EXD3: variants seen among roughly 807,000 people sequenced by gnomAD.
EXD3 encodes exonuclease mut-7 homolog.
In EXD3, 92 loss-of-function variants were observed where a neutral mutation model predicts 98.0. That is an observed-to-expected ratio of 0.94 (90% CI 0.79 to 1.12). The LOEUF is 1.12. EXD3 is among the 50% of genes most tolerant of loss of function. The pLI, the probability that EXD3 is intolerant of heterozygous loss-of-function variation, is 0.00. For missense variants in EXD3, 1,222 were observed against 1,191.6 expected (o/e 1.03, Z -0.38); for synonymous variants, 569 against 526.0 (o/e 1.08, Z -1.12).
intron 17 of EXD3, among the ~76,000 whole-genome samples, chr9:137,328,687 C>G (rs1324675066): frequency 5.9e-5 from 4 of 67,362 alleles, no homozygotes; most frequent in African/African-American, 7.3e-5. Context: ...CGGGGCTACA[C>G]GGGACTACAC....
rs756680735 is a variant in EXD3 at position 137,349,476 on chromosome 9, C to G, written c.1550G>C (p.Gly517Ala). 6.2e-7 allele frequency: 1 copy of G among 1,603,730 alleles called. No homozygotes were observed. Among genetic ancestry groups the G allele is most frequent in the East Asian group, 2.2e-5 (1 of 44,820 alleles). The part of the protein sequence containing the change: ...PAVDRARELR[G>A]LSLLVQQVLG... Reference sequence around the variant, plus strand: ...CACCTGCTGCACCAGGAGGCTCAGGCCCCTCAGCTCCCTGGCCCTGTCCAC... The same window carrying G: ...CACCTGCTGCACCAGGAGGCTCAGGGCCCTCAGCTCCCTGGCCCTGTCCAC... The change falls in exon 15 of 22, where the codon GGC becomes GCC. Residue 517 changes from glycine to alanine, a missense_variant. Coordinates refer to ENST00000340951, the MANE Select transcript of EXD3 (RefSeq NM_017820.5). The surrounding 1 kb of genome is among the most constrained non-coding windows in gnomAD (Gnocchi z 7.4).
At position 137,349,055 on chromosome 9, in the gene EXD3, A is replaced by C; in HGVS notation, c.1830+55T>G. 4 of 1,525,742 alleles carry C rather than the reference A, an allele frequency of 2.6e-6. No homozygotes were observed. The South Asian group carries it at 3.8e-5, about 14-fold the overall frequency. The allele number at this position is 1,525,742 out of a possible 1,614,324, so 94.5% of individuals were successfully genotyped here. A position where few individuals can be genotyped will look rare whatever the true frequency, so the allele number is the denominator to read the frequency against. ...CCATGCAGGTCCTTGGTTTATGGAC[A>C]GGGATCTCCTTCCCCAAGAATGCTG... On this transcript the variant is annotated intron_variant, in intron 16 of 21. Transcript: ENST00000340951. The surrounding 1 kb of genome is among the most constrained non-coding windows in gnomAD (Gnocchi z 7.4).
rs199656190 is a variant in EXD3, at chr9:137,352,050, C to A, written c.1173+16G>T. ...ATCCCACCACCGGGCGCTGCCCCAG[C>A]GGCCGAGGGAACCACCTGCAGGAGT... On this transcript the variant is annotated intron_variant, in intron 12 of 21. Transcript: ENST00000340951. 9 of 1,602,012 alleles carry A rather than the reference C, an allele frequency of 5.6e-6. No individual in the cohort carries two copies. The highest frequency in any genetic ancestry group is 7.7e-6 in the Non-Finnish European group (9 of 1,174,968).
intron 7 of EXD3, chr9:137,365,999 G>T (rs989320348): frequency 2.8e-5 from 16 of 578,820 alleles, no homozygotes; most frequent in Non-Finnish European, 4.9e-5. Flanking sequence ...CACACCTGCA[G>T]GCACACATGC....
chr9:137,395,943 GTTT>G lies in EXD3; in HGVS notation c.-47-542_-47-540del, dbSNP rs917595096. The stretch of plus-strand genomic sequence containing the variant: ...GGCAGACCTCAGTCTCCCTCAGAGT[GTTT>G]TTTTTTCTTTTCTTTCTTTCTTTCT... On this transcript the variant is annotated intron_variant, in intron 1 of 21. Coordinates refer to ENST00000340951, the MANE Select transcript of EXD3 (RefSeq NM_017820.5). The surrounding 1 kb of genome is among the most constrained non-coding windows in gnomAD (Gnocchi z 6.5). Among the ~76,000 whole-genome samples the G allele has an allele frequency of 2.7e-5, 4 of 149,316 alleles. No individual in the cohort carries two copies. The highest frequency in any genetic ancestry group is 4.5e-5 in the Non-Finnish European group (3 of 67,180).
At position 137,348,252 on chromosome 9, in the gene EXD3, C is replaced by T. The variant is rs1834039810; in HGVS notation, c.1831-14G>A. On this transcript the variant is annotated splice_polypyrimidine_tract_variant and intron_variant, in intron 16 of 21. Transcript: ENST00000340951. ...AGCCACAGGGACCTGCAGTGAGGCC[C>T]TGGTCAGCAGTCCCACGGTCACCCC... The T allele has an allele frequency of 1.9e-6, 3 of 1,608,504 alleles. No individual in the cohort carries two copies. The highest frequency in any genetic ancestry group is 1.7e-4 in the Middle Eastern group (1 of 5,914).
rs1035653054 is a variant in EXD3 at position 137,393,668 on chromosome 9, C to A, written c.55+1635G>T. On this transcript the variant is annotated intron_variant, in intron 2 of 21. Transcript: ENST00000340951. This position sits in a 1 kb window ranked among gnomAD's most constrained non-coding sequence, Gnocchi z 4.6. ...GGTCCAAGGCCCGAGGAGGCAACTGCGTGGGATAGGGAAACTGAGGCAGAG... is the reference window on the plus strand; with the variant it reads ...GGTCCAAGGCCCGAGGAGGCAACTGAGTGGGATAGGGAAACTGAGGCAGAG... 6.6e-6 allele frequency among the ~76,000 whole-genome samples: 1 copy of A among 152,150 alleles called. No individual in the cohort carries two copies. The highest frequency in any genetic ancestry group is 2.4e-5 in the African/African-American group (1 of 41,428).
chr9:137,397,506 A>C (rs1337955485), intron 1 of EXD3, among the ~76,000 whole-genome samples: 1 of 152,190 alleles, frequency 6.6e-6, no homozygotes, highest in Non-Finnish European at 1.5e-5. Flanking sequence ...ACGTAATAAA[A>C]ATCACAAGAC....
chr9:137,315,271 C>T (rs1220740427), intron 19 of EXD3, among the ~76,000 whole-genome samples: 4 of 152,252 alleles, frequency 2.6e-5, no homozygotes, highest in Admixed American at 6.5e-5. Context: ...ACCGGGCTTT[C>T]GGGCCTGGGC....
chr9:137,307,535 C>T, intron 21 of EXD3, 73 bp downstream of exon 21: 12 of 1,573,576 alleles, frequency 7.6e-6, no homozygotes, highest in Non-Finnish European at 6.0e-6. Flanking sequence ...CCAAGTCCCC[C>T]ATTCTGGGGG....
chr9:137,368,607 T>C (rs1835395116), intron 5 of EXD3, among the ~76,000 whole-genome samples: 1 of 152,132 alleles, frequency 6.6e-6, no homozygotes, highest in African/African-American at 2.4e-5. Context: ...CGCGCTCCCA[T>C]AGCCAGCAAA....
intron 1 of EXD3, among the ~76,000 whole-genome samples, chr9:137,420,307 G>A (rs1838454820): frequency 6.6e-6 from 1 of 151,656 alleles, no homozygotes; most frequent in Admixed American, 6.6e-5. Flanking sequence ...TTTTCTTTTT[G>A]AGCTATTTAT....
chr9:137,397,865 G>A (rs1837289246), intron 1 of EXD3, among the ~76,000 whole-genome samples: 1 of 152,124 alleles, frequency 6.6e-6, no homozygotes, highest in African/African-American at 2.4e-5. Flanking sequence ...GTCGCTGGAA[G>A]CCCAGAGATC....
intron 2 of EXD3, chr9:137,392,731 C>CG: frequency 2.9e-6 from 1 of 345,008 alleles, no homozygotes; most frequent in East Asian, 7.5e-5. Context: ...CCAGGAGCAC[C>CG]AGGCTGTTCC....
chr9:137,411,270 A>C (rs949648251), intron 1 of EXD3, among the ~76,000 whole-genome samples: 1 of 152,204 alleles, frequency 6.6e-6, no homozygotes, highest in African/African-American at 2.4e-5. Context: ...AGCTGAGCCC[A>C]GGATGCCCCC....
intron 2 of EXD3, chr9:137,391,819 T>A (rs981976156): frequency 1.3e-5 from 2 of 152,080 alleles, no homozygotes; most frequent in African/African-American, 4.8e-5. Context: ...AAAGCTGAAG[T>A]TTTTTATTTT....
At chr9:137,373,636 G>A (rs1835753764) in intron 3 of EXD3, 37 bp from the exon 4 acceptor site, 1 of 1,556,126 alleles carries the variant, frequency 6.4e-7, no homozygotes, top group Non-Finnish European at 8.7e-7. Flanking sequence ...ACTTTGTCTT[G>A]CACTCAAAGC....
In EXD3 at chr9:137,324,752, G is replaced by A. The variant is rs1341911347; in HGVS notation, c.1999-609C>T. ...CTTTCGCCCAGGCCGGAGTGCAGTG[G>A]CGCTGTCTTGGCTCACTGCAAGCTC... is the stretch of plus-strand genomic sequence containing the variant. On this transcript the variant is annotated intron_variant, in intron 17 of 21. Transcript: ENST00000340951. This position sits in a 1 kb window ranked among gnomAD's most constrained non-coding sequence, Gnocchi z 4.1. 6.6e-6 allele frequency among the ~76,000 whole-genome samples: 1 copy of A among 152,190 alleles called. No homozygotes were observed. The highest frequency in any genetic ancestry group is 1.5e-5 in the Non-Finnish European group (1 of 68,026).
At chr9:137,343,299 C>T (rs1008058085) in intron 17 of EXD3, 1 of 152,196 alleles carries the variant, frequency 6.6e-6, no homozygotes, top group African/African-American at 2.4e-5. Context: ...AGCAATTTTA[C>T]TTCTGCAGCT....
Sources: allele counts gnomAD v4.1 joint callset (sites outside exome capture counted in the v4.1 genomes callset), GRCh38; gene constraint gnomAD v4.1.1; non-coding constraint Gnocchi (gnomAD v3.1); transcripts MANE v1.5; gene names NCBI Gene and HGNC (gene_info 2026-07-23, HGNC 2026-07-21).